The following MATCAP2 variants were observed in gnomAD, a reference collection of about 807,000 sequenced individuals.
MATCAP2 encodes putative tyrosine carboxypeptidase MATCAP2.
At chr7:36,359,637 C>T in the MATCAP2 span, among the ~76,000 whole-genome samples, 1 of 152,134 alleles carries the variant, frequency 6.6e-6, no homozygotes, top group African/African-American at 2.4e-5. Context: ...ATGTTGAAGA[C>T]AGGTTGTACA....
chr7:36,326,921 G>A, the MATCAP2 span: 7 of 1,589,348 alleles, frequency 4.4e-6, no homozygotes, highest in African/African-American at 2.7e-5. Context: ...TAAGAAACCT[G>A]AAAAAAAGGA....
the MATCAP2 span, chr7:36,325,169 G>GTGT: frequency 6.6e-6 from 1 of 152,234 alleles, no homozygotes; most frequent in African/African-American, 2.4e-5. Context: ...GCAGATTCTA[G>GTGT]TGTTCGGTGA....
chr7:36,382,446 G>T, the MATCAP2 span, among the ~76,000 whole-genome samples: 2 of 151,896 alleles, frequency 1.3e-5, no homozygotes, highest in Non-Finnish European at 2.9e-5. Context: ...ATATTTAAGA[G>T]TGACTTCTAT....
At chr7:36,337,150 A>G in the MATCAP2 span, among the ~76,000 whole-genome samples, 1 of 144,898 alleles carries the variant, frequency 6.9e-6, no homozygotes, top group African/African-American at 2.5e-5. Flanking sequence ...GCAACAATCT[A>G]TCTATTTTCC....
At chr7:36,366,724 AT>A in the MATCAP2 span, 1 of 1,535,342 alleles carries the variant, frequency 6.5e-7, no homozygotes, top group Non-Finnish European at 8.7e-7. Flanking sequence ...TGACGAAAGG[AT>A]AAGGGGCCGA....
At chr7:36,366,439 T>C in the MATCAP2 span, among the ~76,000 whole-genome samples, 370 of 152,326 alleles carry the variant, frequency 2.4e-3, 1 homozygote, top group African/African-American at 7.9e-3. Flanking sequence ...AAATGGCCTA[T>C]TAATAATATC....
the MATCAP2 span, among the ~76,000 whole-genome samples, chr7:36,369,559 C>T: frequency 6.6e-6 from 1 of 152,152 alleles, no homozygotes; most frequent in African/African-American, 2.4e-5. Flanking sequence ...GTCATATGTT[C>T]AGTGCTTTTA....
chr7:36,377,783 G>A, the MATCAP2 span, among the ~76,000 whole-genome samples: 2 of 152,114 alleles, frequency 1.3e-5, no homozygotes, highest in African/African-American at 4.8e-5. Flanking sequence ...CATATTTCTT[G>A]GAGGCTTTGT....
At chr7:36,340,244 G>A in the MATCAP2 span, among the ~76,000 whole-genome samples, 14 of 152,132 alleles carry the variant, frequency 9.2e-5, no homozygotes, top group East Asian at 1.9e-4. Flanking sequence ...ATGCTTACTC[G>A]GTAGGAAAAT....
the MATCAP2 span, among the ~76,000 whole-genome samples, chr7:36,387,743 G>C: frequency 6.6e-6 from 1 of 152,140 alleles, no homozygotes; most frequent in Admixed American, 6.5e-5. Flanking sequence ...CTTATGCTAG[G>C]TGCTTTACCT....
At chr7:36,352,224 T>G in the MATCAP2 span, among the ~76,000 whole-genome samples, 15 of 149,614 alleles carry the variant, frequency 1.0e-4, no homozygotes, top group African/African-American at 3.4e-4. Flanking sequence ...GGCGAAACCC[T>G]GTCTCTACTA....
the MATCAP2 span, among the ~76,000 whole-genome samples, chr7:36,389,074 G>A: frequency 2.6e-5 from 4 of 152,126 alleles, 1 homozygote; most frequent in Admixed American, 2.6e-4. Context: ...AAACACAAGG[G>A]CTCTTTGTCT....
chr7:36,325,154 TA>T, the MATCAP2 span: 1 of 152,230 alleles, frequency 6.6e-6, no homozygotes, highest in East Asian at 1.9e-4. Context: ...GCTAGAGGTG[TA>T]AGAGCAGATT....
the MATCAP2 span, chr7:36,326,641 C>A: frequency 5.6e-5 from 48 of 858,410 alleles, no homozygotes; most frequent in East Asian, 1.2e-3. Context: ...ATACTGAAGA[C>A]CCTTCTTCAG....
At chr7:36,342,931 T>G in the MATCAP2 span, among the ~76,000 whole-genome samples, 1 of 152,144 alleles carries the variant, frequency 6.6e-6, no homozygotes. Context: ...CAGCCACAGA[T>G]GAGTAATTTT....
chr7:36,372,694 G>T, the MATCAP2 span, among the ~76,000 whole-genome samples: 2 of 152,166 alleles, frequency 1.3e-5, no homozygotes, highest in South Asian at 2.1e-4. Flanking sequence ...ACCAAGATGT[G>T]CATTAACTTA....
chr7:36,379,708 T>G, the MATCAP2 span, among the ~76,000 whole-genome samples: 1 of 152,106 alleles, frequency 6.6e-6, no homozygotes, highest in East Asian at 1.9e-4. Context: ...CATCATGGAA[T>G]GTACTTACAT....
the MATCAP2 span, among the ~76,000 whole-genome samples, chr7:36,379,082 C>T: frequency 7.2e-5 from 11 of 152,240 alleles, no homozygotes; most frequent in East Asian, 1.9e-4. Flanking sequence ...TGCCCTGCTT[C>T]GGCTTGCCCT....
chr7:36,383,242 G>A, the MATCAP2 span, among the ~76,000 whole-genome samples: 1 of 152,118 alleles, frequency 6.6e-6, no homozygotes. Context: ...TCCTTTGATG[G>A]TTGTTGTTTC....
Sources: allele counts gnomAD v4.1 joint callset (sites outside exome capture counted in the v4.1 genomes callset), GRCh38; gene constraint gnomAD v4.1.1; transcripts MANE v1.5; gene names NCBI Gene and HGNC (gene_info 2026-07-23, HGNC 2026-07-21).